The following STXBP4 variants were observed in gnomAD, a reference collection of about 807,000 sequenced individuals.
STXBP4 encodes syntaxin binding protein 4, also known as syntaxin-binding protein 4.
A neutral mutation model predicts 76.1 loss-of-function variants in STXBP4; 55 were observed. That is an observed-to-expected ratio of 0.72 (90% CI 0.58 to 0.91). The LOEUF is 0.91. STXBP4 is among the 40% of genes least tolerant of loss of function. The probability of loss-of-function intolerance (pLI) is 0.00; values close to 1 mark genes in which losing one functional copy is unlikely to be tolerated. For synonymous variants in STXBP4, 201 were observed against 220.2 expected (o/e 0.91, Z 0.77); for missense variants, 618 against 636.9 (o/e 0.97, Z 0.32).
intron 12 of STXBP4, among the ~76,000 whole-genome samples, chr17:55,059,729 A>G (rs1219574565): frequency 6.6e-6 from 1 of 152,150 alleles, no homozygotes. Context: ...CAGAATCTAC[A>G]CTTAACAAGT....
At chr17:55,105,399 G>T (rs1444022330) in intron 16 of STXBP4, among the ~76,000 whole-genome samples, 2 of 151,772 alleles carry the variant, frequency 1.3e-5, no homozygotes, top group Non-Finnish European at 2.9e-5. Context: ...TCATCCAGGG[G>T]CAGGTTGTTC....
Position 55,049,394 on chromosome 17 carries a change from G to A in STXBP4, c.1011+2240G>A, listed in dbSNP as rs142634480. ...GAAAAAAATAGCATGAACATTACAT[G>A]TGTTAACAAAAGTCAAAAGATGCAA... is the stretch of plus-strand genomic sequence containing the variant. On this transcript the variant is annotated intron_variant, in intron 12 of 17. Transcript: ENST00000376352. Among the ~76,000 whole-genome samples, 7 of 151,996 alleles carry A rather than the reference G, an allele frequency of 4.6e-5. 1 individual carries two copies. The East Asian group carries it at 1.2e-3, about 25-fold the overall frequency.
At chr17:54,971,530 A>G (rs2077401044) in intron 1 of STXBP4, among the ~76,000 whole-genome samples, 2 of 152,178 alleles carry the variant, frequency 1.3e-5, no homozygotes, top group South Asian at 2.1e-4. Context: ...TCATTCAACC[A>G]TAATTACTTC....
intron 8 of STXBP4, among the ~76,000 whole-genome samples, chr17:55,008,253 A>G (rs1246699554): frequency 1.3e-5 from 2 of 152,008 alleles, no homozygotes; most frequent in Non-Finnish European, 2.9e-5. Context: ...CTGAAAGACC[A>G]CAAACTCTAC....
the STXBP4 span, among the ~76,000 whole-genome samples, chr17:55,188,474 T>A: frequency 1.3e-5 from 2 of 152,198 alleles, no homozygotes; most frequent in African/African-American, 2.4e-5. Context: ...TCTCTCTCCC[T>A]AGAACAGTGA....
At chr17:55,208,563 A>AAGGG in the STXBP4 span, among the ~76,000 whole-genome samples, 2 of 145,264 alleles carry the variant, frequency 1.4e-5, no homozygotes, top group African/African-American at 5.3e-5. Context: ...GCAAGGAAGG[A>AAGGG]AGGGAGGGAG....
In STXBP4 at chr17:55,165,239, T is replaced by C. The variant is rs528625834; in HGVS notation, c.*5328T>C. 1 of 152,300 alleles carries C rather than the reference T, an allele frequency of 6.6e-6. No homozygotes were observed. The highest frequency in any genetic ancestry group is 2.1e-4 in the South Asian group (1 of 4,816). The allele number at this position is 152,300 out of a possible 1,614,324, so 9.4% of individuals were successfully genotyped here. ...GATGAGGAAGATGAGGCTTTCTTAC[T>C]CACTGTCTAGGAAATAATTCTCCTG... On this transcript the variant is annotated 3_prime_UTR_variant, in exon 18 of 18. Coordinates refer to ENST00000376352, the MANE Select transcript of STXBP4 (RefSeq NM_178509.6).
chr17:55,078,023 C>T, intron 13 of STXBP4, 55 bp from the exon 14 acceptor site: 1 of 1,043,158 alleles, frequency 9.6e-7, no homozygotes, highest in Non-Finnish European at 1.4e-6. Flanking sequence ...AAATAGGGAC[C>T]AGTAATGTAA....
intron 16 of STXBP4, among the ~76,000 whole-genome samples, chr17:55,119,957 C>T (rs956400718): frequency 6.6e-6 from 1 of 152,022 alleles, no homozygotes; most frequent in Non-Finnish European, 1.5e-5. Context: ...TTTAATTATA[C>T]AGAAAACGTT....
rs1171015028 is a variant in STXBP4, at chr17:55,040,147, A to G, written c.856-3089A>G. Among the ~76,000 whole-genome samples, 3 of 152,338 alleles carry G rather than the reference A, an allele frequency of 2.0e-5. No homozygotes were observed. In the South Asian group the frequency reaches 6.2e-4, roughly 32 times the overall value. On this transcript the variant is annotated intron_variant, in intron 10 of 17. Coordinates refer to ENST00000376352, the MANE Select transcript of STXBP4 (RefSeq NM_178509.6). Reference sequence around the variant, plus strand: ...GAGATATTAGAATATCACAATCTAAAGAAGATAAAATTTCAAGGAAAAAAA... The same window carrying G: ...GAGATATTAGAATATCACAATCTAAGGAAGATAAAATTTCAAGGAAAAAAA...
At chr17:55,047,191 T>A in intron 12 of STXBP4, 37 bp downstream of exon 12, 1 of 583,166 alleles carries the variant, frequency 1.7e-6, no homozygotes, top group South Asian at 2.9e-5. Flanking sequence ...TGCTCGTGTG[T>A]GTGTGTGTGT....
the STXBP4 span, among the ~76,000 whole-genome samples, chr17:55,189,233 T>A: frequency 6.6e-6 from 1 of 152,188 alleles, no homozygotes; most frequent in African/African-American, 2.4e-5. Context: ...AAATGAAAAG[T>A]AAATTATGAG....
At chr17:55,058,817 A>G (rs1423005733) in intron 12 of STXBP4, among the ~76,000 whole-genome samples, 1 of 152,150 alleles carries the variant, frequency 6.6e-6, no homozygotes, top group African/African-American at 2.4e-5. Context: ...TTGTGCAAAA[A>G]TTCTAGCCAT....
chr17:55,104,105 G>A (rs192238882), intron 16 of STXBP4, among the ~76,000 whole-genome samples: 2 of 152,092 alleles, frequency 1.3e-5, no homozygotes, highest in Non-Finnish European at 2.9e-5. Context: ...ATTCCTATTC[G>A]AATACCCTTT....
chr17:55,209,979 C>T, the STXBP4 span, among the ~76,000 whole-genome samples: 3 of 152,098 alleles, frequency 2.0e-5, no homozygotes, highest in Non-Finnish European at 4.4e-5. Flanking sequence ...GGTAAGGATG[C>T]GTCTATGTGA....
intron 12 of STXBP4, among the ~76,000 whole-genome samples, chr17:55,049,598 A>C (rs1396818026): frequency 1.3e-5 from 2 of 152,016 alleles, no homozygotes; most frequent in African/African-American, 4.8e-5. Context: ...CTATAGAATG[A>C]AAATACAAAC....
At chr17:55,050,132 TA>T (rs1235809409) in intron 12 of STXBP4, among the ~76,000 whole-genome samples, 1 of 152,114 alleles carries the variant, frequency 6.6e-6, no homozygotes, top group Non-Finnish European at 1.5e-5. Context: ...TTGCAGATGA[TA>T]TGGTAGTAAT....
At chr17:55,107,317 A>T (rs1042998456) in intron 16 of STXBP4, among the ~76,000 whole-genome samples, 21 of 152,120 alleles carry the variant, frequency 1.4e-4, no homozygotes, top group African/African-American at 1.9e-4. Context: ...TCAACTGGTT[A>T]TTCTAGTTAG....
rs547514558 is a variant in STXBP4, at chr17:55,154,093, GTGTAGCTTTTC to G, written c.1548-5702_1548-5692del. Among the ~76,000 whole-genome samples the G allele has an allele frequency of 9.2e-5, 14 of 152,108 alleles. 1 individual carries two copies. The Middle Eastern group carries it at 0.013, about 138-fold the overall frequency. On this transcript the variant is annotated intron_variant, in intron 17 of 17. Coordinates refer to ENST00000376352, the MANE Select transcript of STXBP4 (RefSeq NM_178509.6). ...CAATGCAGGGATTCCTGGTTGATGG[GTGTAGCTTTTC>G]TTCAGGTAGTGATGTTGAGACCCAG... is the stretch of plus-strand genomic sequence containing the variant.
Sources: gnomAD v4.1 joint callset for allele counts (sites outside exome capture counted in the v4.1 genomes callset) on GRCh38, gnomAD v4.1.1 for gene constraint, MANE v1.5 for transcripts, NCBI Gene and HGNC (gene_info 2026-07-23, HGNC 2026-07-21) for gene names.